Variants in PMF1 observed in about 807,000 individuals in gnomAD.
PMF1 encodes polyamine-modulated factor 1.
In PMF1, 21 loss-of-function variants were observed where a neutral mutation model predicts 26.7. That is an observed-to-expected ratio of 0.79 (90% confidence interval 0.56 to 1.13). The LOEUF (loss-of-function observed/expected upper bound fraction) is 1.13, where lower values mean the gene tolerates loss of function less well. Ranked by LOEUF, PMF1 falls within the 50% of genes most tolerant of loss-of-function variation. The pLI, the probability that PMF1 is intolerant of heterozygous loss-of-function variation, is 0.00. For synonymous variants in PMF1, 105 were observed against 101.0 expected (o/e 1.04, Z -0.24); for missense variants, 266 against 254.9 (o/e 1.04, Z -0.30).
chr1:156,237,871 T>C (rs1017435712), intron 4 of PMF1, among the ~76,000 whole-genome samples: 4 of 152,008 alleles, frequency 2.6e-5, no homozygotes, highest in Admixed American at 6.6e-5. Context: ...ATTCTCCTGC[T>C]TCAGCCTCAG....
intron 1 of PMF1, among the ~76,000 whole-genome samples, chr1:156,228,658 C>G (rs893230399): frequency 6.6e-6 from 1 of 152,150 alleles, no homozygotes; most frequent in African/African-American, 2.4e-5. Flanking sequence ...GCGTCCAGCT[C>G]AGACCCTCCG....
intron 1 of PMF1, among the ~76,000 whole-genome samples, chr1:156,217,751 A>C (rs569288892): frequency 1.2e-3 from 175 of 152,070 alleles, no homozygotes; most frequent in Non-Finnish European, 2.0e-3. Flanking sequence ...AAACAAAACT[A>C]ACCATGCTCT....
intron 1 of PMF1, among the ~76,000 whole-genome samples, chr1:156,219,838 C>T (rs1657982394): frequency 6.6e-6 from 1 of 152,234 alleles, no homozygotes; most frequent in South Asian, 2.1e-4. Context: ...CAACCTCCGC[C>T]TCCCTGGCTT....
chr1:156,225,624 C>A, intron 1 of PMF1: 1 of 1,564,032 alleles, frequency 6.4e-7, no homozygotes, highest in Admixed American at 1.9e-5. Flanking sequence ...GTCTGTGAAA[C>A]AGGCCTTCAG....
At chr1:156,224,802 T>G (rs1658266536) in intron 1 of PMF1, among the ~76,000 whole-genome samples, 2 of 152,170 alleles carry the variant, frequency 1.3e-5, no homozygotes, top group African/African-American at 4.8e-5. Context: ...ATTTATCTCT[T>G]TCTTCTTTCC....
chr1:156,216,660 C>T (rs947679896), intron 1 of PMF1, among the ~76,000 whole-genome samples: 3 of 151,658 alleles, frequency 2.0e-5, no homozygotes, highest in Admixed American at 1.3e-4. Context: ...GCGGGGAAGG[C>T]GGCGAGGGCT....
At chr1:156,219,472 C>T (rs1281461930) in intron 1 of PMF1, among the ~76,000 whole-genome samples, 1 of 152,164 alleles carries the variant, frequency 6.6e-6, no homozygotes, top group East Asian at 1.9e-4. Flanking sequence ...CCACTATGTC[C>T]CTGAGTCTCT....
At position 156,239,559 on chromosome 1, in the gene PMF1, A is replaced by G. The variant is rs1262671036; in HGVS notation, c.576A>G (p.Arg192=). Reference sequence around the variant, plus strand: ...CCCATTGATTTCAGGCTCTACACAGAGAACAGAGGGAGCTGGTTGCTGTGC... The same window carrying G: ...CCCATTGATTTCAGGCTCTACACAGGGAACAGAGGGAGCTGGTTGCTGTGC... ...AQQQAWQALH[R]EQRELVAVLR... Residue 192 remains arginine, a synonymous_variant, in exon 5 of 5, where the codon AGA becomes AGG. Transcript: ENST00000368277. 1 of 1,613,100 alleles carries G rather than the reference A, an allele frequency of 6.2e-7. No homozygotes were observed. Among genetic ancestry groups the G allele is most frequent in the East Asian group, 2.2e-5 (1 of 44,896 alleles).
At chr1:156,221,378 T>C (rs1015786809) in intron 1 of PMF1, among the ~76,000 whole-genome samples, 1 of 152,212 alleles carries the variant, frequency 6.6e-6, no homozygotes, top group Non-Finnish European at 1.5e-5. Context: ...CCTGACCCGC[T>C]CTAAGGCCAC....
intron 1 of PMF1, among the ~76,000 whole-genome samples, chr1:156,219,801 G>A (rs954511471): frequency 6.6e-6 from 1 of 152,050 alleles, no homozygotes; most frequent in African/African-American, 2.4e-5. Context: ...CCAGACCGGA[G>A]TGCAGTGGCA....
chr1:156,215,566 A>T (rs1657655081), intron 1 of PMF1, among the ~76,000 whole-genome samples: 2 of 149,136 alleles, frequency 1.3e-5, no homozygotes, highest in African/African-American at 2.5e-5. Context: ...ATTTATTTTT[A>T]TTTCTTTTAG....
At chr1:156,225,521 T>C in intron 1 of PMF1, 1 of 1,274,986 alleles carries the variant, frequency 7.8e-7, no homozygotes, top group Non-Finnish European at 1.1e-6. Flanking sequence ...CCAGCTTCTG[T>C]TTGTTTTGTT....
At chr1:156,224,746 A>G (rs1200382133) in intron 1 of PMF1, among the ~76,000 whole-genome samples, 1 of 151,972 alleles carries the variant, frequency 6.6e-6, no homozygotes, top group African/African-American at 2.4e-5. Flanking sequence ...CCTGGGCGAC[A>G]GAGTGAGACT....
chr1:156,213,403 C>A (rs1170550473), intron 1 of PMF1, among the ~76,000 whole-genome samples: 1 of 152,198 alleles, frequency 6.6e-6, no homozygotes, highest in East Asian at 1.9e-4. Context: ...ACAGGAAGCC[C>A]CGTTTTCACT....
Position 156,213,064 on chromosome 1 carries a change from A to G in PMF1, c.49A>G (p.Arg17Gly). Reference protein sequence around the residue: ...ANLGSGCEEKRHEGSSSESVP... With the variant: ...ANLGSGCEEKGHEGSSSESVP... ...TCTAGGCAGCGGCTGTGAGGAAAAAAGGCATGAGGGGTCGTCTTCGGAATC... is the reference window on the plus strand; with the variant it reads ...TCTAGGCAGCGGCTGTGAGGAAAAAGGGCATGAGGGGTCGTCTTCGGAATC... Residue 17 changes from arginine to glycine, a missense_variant, in exon 1 of 5, where the codon AGG becomes GGG. Transcript: ENST00000368277. The G allele has an allele frequency of 1.2e-6, 2 of 1,614,214 alleles. No homozygotes were observed. Among genetic ancestry groups the G allele is most frequent in the Non-Finnish European group, 1.7e-6 (2 of 1,180,018 alleles).
At chr1:156,238,877 C>A (rs1223509352) in intron 4 of PMF1, among the ~76,000 whole-genome samples, 1 of 68,034 alleles carries the variant, frequency 1.5e-5, no homozygotes, top group Non-Finnish European at 2.7e-5. Context: ...GTGGTGGTGA[C>A]AAAGGCCCCC....
In PMF1 at chr1:156,235,676, C is replaced by T. The variant is rs575898961; in HGVS notation, c.369-612C>T. Among the ~76,000 whole-genome samples, 16 of 149,764 alleles carry T rather than the reference C, an allele frequency of 1.1e-4. No individual in the cohort carries two copies. The East Asian group carries it at 3.0e-3, about 28-fold the overall frequency. ...CAGGATGCTCTCGATCTCCTGACCT[C>T]GTGATCTGCCTGCCTTGGCCTCCCA... On this transcript the variant is annotated intron_variant, in intron 3 of 4. Coordinates refer to ENST00000368277, the MANE Select transcript of PMF1 (RefSeq NM_007221.4).
chr1:156,226,129 A>G (rs1658359874), intron 1 of PMF1, among the ~76,000 whole-genome samples: 1 of 152,140 alleles, frequency 6.6e-6, no homozygotes, highest in South Asian at 2.1e-4. Context: ...CACTGGGATT[A>G]CAGGTATGAG....
chr1:156,236,701 G>T (rs891243337), intron 4 of PMF1: 17 of 646,160 alleles, frequency 2.6e-5, no homozygotes, highest in Non-Finnish European at 4.1e-5. Flanking sequence ...CCAGGCACAG[G>T]CATGTGTTCC....
Sources: allele counts gnomAD v4.1 joint callset (sites outside exome capture counted in the v4.1 genomes callset), GRCh38; gene constraint gnomAD v4.1.1; transcripts MANE v1.5; gene names NCBI Gene and HGNC (gene_info 2026-07-23, HGNC 2026-07-21).